The following C1orf159 variants were observed in gnomAD, a reference collection of about 807,000 sequenced individuals.
C1orf159 encodes the protein chromosome 1 open reading frame 159.
C1orf159 carries 19 observed loss-of-function variants against 25.6 expected under a neutral mutation model. The observed-to-expected ratio is 0.74, with a 90% CI of 0.52 to 1.09. The LOEUF is 1.09. C1orf159 is among the 50% of genes least tolerant of loss of function. C1orf159 has a pLI of 0.00. For missense variants in C1orf159, 274 were observed against 290.6 expected (o/e 0.94, Z 0.42); for synonymous variants, 139 against 124.7 (o/e 1.12, Z -0.77).
intron 1 of C1orf159, 174 bp from the exon 2 acceptor site, chr1:1,092,277 G>GCTGGCCCC (rs1645951949): frequency 4.2e-6 from 1 of 235,850 alleles, no homozygotes; most frequent in Non-Finnish European, 8.7e-6. Flanking sequence ...TTTCCCCCGA[G>GCTGGCCCC]CTGGCCTCCT....
intron 1 of C1orf159, among the ~76,000 whole-genome samples, chr1:1,106,407 G>A (rs544391927): frequency 6.6e-6 from 1 of 152,296 alleles, no homozygotes; most frequent in Non-Finnish European, 1.5e-5. Flanking sequence ...CCTTGTGCAT[G>A]CTGCTGAGAA....
intron 2 of C1orf159, 180 bp downstream of exon 2, chr1:1,091,811 A>G (rs1266460066): frequency 4.8e-6 from 1 of 208,916 alleles, no homozygotes; most frequent in Non-Finnish European, 9.3e-6. Context: ...GTGGGGCCAA[A>G]TGGAGATGGG....
At chr1:1,098,760 C>T (rs927853401) in intron 1 of C1orf159, among the ~76,000 whole-genome samples, 3 of 152,072 alleles carry the variant, frequency 2.0e-5, no homozygotes, top group African/African-American at 2.4e-5. Context: ...TACAGCTGCC[C>T]GCCACCACGT....
chr1:1,083,708 C>T lies in C1orf159; in HGVS notation c.502+645G>A. On this transcript the variant is annotated intron_variant, in intron 9 of 9. Transcript: ENST00000421241. ...CACCGTGGGGTCTGCTGGGCACTTG[C>T]AGACAGGGCTGCTTTAGGGACGGGG... 5.0e-6 allele frequency: 3 copies of T among 594,612 alleles called. No homozygotes were observed. In the South Asian group the frequency reaches 6.1e-5, roughly 12 times the overall value. The allele number at this position is 594,612 out of a possible 1,614,324, so 36.8% of individuals were successfully genotyped here. A position where few individuals can be genotyped will look rare whatever the true frequency, so the allele number is the denominator to read the frequency against.
intron 3 of C1orf159, 67 bp from the exon 4 acceptor site, chr1:1,090,495 G>A (rs1645911374): frequency 6.7e-7 from 1 of 1,482,830 alleles, no homozygotes; most frequent in Non-Finnish European, 9.2e-7. Flanking sequence ...CAGAGCAGCA[G>A]CGGCTGAGGG....
Position 1,087,420 on chromosome 1 carries a change from G to T in C1orf159, c.244+82C>A. 1 of 1,353,922 alleles carries T rather than the reference G, an allele frequency of 7.4e-7. No homozygotes were observed. The highest frequency in any genetic ancestry group is 1.0e-6 in the Non-Finnish European group (1 of 988,016). The allele number at this position is 1,353,922 out of a possible 1,614,324, so 83.9% of individuals were successfully genotyped here. A position where few individuals can be genotyped will look rare whatever the true frequency, so the allele number is the denominator to read the frequency against. ...GTGGACAGTGGCTCTGGGGCAAGGT[G>T]GGGACACAGACAGCAACTCCCACAG... On this transcript the variant is annotated intron_variant, in intron 5 of 9. Coordinates refer to ENST00000421241, the MANE Select transcript of C1orf159 (RefSeq NM_017891.5). This position sits in a 1 kb window ranked among gnomAD's most constrained non-coding sequence, Gnocchi z 8.3.
At chr1:1,095,870 T>TA (rs1160351027) in intron 1 of C1orf159, among the ~76,000 whole-genome samples, 3 of 152,300 alleles carry the variant, frequency 2.0e-5, no homozygotes, top group Admixed American at 6.5e-5. Context: ...GAGGTTTTTT[T>TA]AAAAAAATCA....
chr1:1,085,994 G>A lies in C1orf159; in HGVS notation c.329C>T (p.Ala110Val), dbSNP rs1448274541. ...GAAGAACGTGCCCAGGAAGAGGGAG[G>A]CGGCCACGCGCGGAGCCCCTGCAAA... ...RPHPGAPRVA[A>V]SLFLGTFFIS... Residue 110 changes from alanine (A) to valine (V), a missense_variant, in exon 7 of 10, where the codon GCC becomes GTC. Transcript: ENST00000421241. 26 of 1,612,970 alleles carry A rather than the reference G, an allele frequency of 1.6e-5. No homozygotes were observed. The highest frequency in any genetic ancestry group is 2.2e-5 in the Non-Finnish European group (26 of 1,179,806).
chr1:1,104,091 G>A (rs1032601480), intron 1 of C1orf159, among the ~76,000 whole-genome samples: 9 of 152,080 alleles, frequency 5.9e-5, no homozygotes, highest in South Asian at 2.1e-4. Flanking sequence ...AGGCTCACGC[G>A]ATTCTCCTGC....
At chr1:1,085,131 C>T (rs1389343126) in intron 7 of C1orf159, 1 of 278,602 alleles carries the variant, frequency 3.6e-6, no homozygotes, top group East Asian at 1.2e-4. Flanking sequence ...GAGGCTGGGC[C>T]CTGAGACCCC....
At position 1,082,951 on chromosome 1, in the gene C1orf159, AG is replaced by A. The variant is rs1429292682; in HGVS notation, c.538del (p.Leu180TrpfsTer79). 8 of 1,603,576 alleles carry A rather than the reference AG, an allele frequency of 5.0e-6. No homozygotes were observed. The highest frequency in any genetic ancestry group is 6.8e-6 in the Non-Finnish European group (8 of 1,175,982). On this transcript the variant is annotated frameshift_variant, in exon 10 of 10. Transcript: ENST00000421241. LOFTEE classifies it high-confidence loss of function. Reference sequence around the variant, plus strand: ...GGCAGCGGGATCCGTGGCCCTGTCCAGGGGCCGCTCCCGCCTGACGTAGCGC... The same window carrying A: ...GGCAGCGGGATCCGTGGCCCTGTCCAGGGCCGCTCCCGCCTGACGTAGCGC... ...KPRYVRRERP[L>X]DRATDPAAFP...
chr1:1,088,697 G>A (rs1174521583), intron 4 of C1orf159, among the ~76,000 whole-genome samples: 5 of 152,072 alleles, frequency 3.3e-5, no homozygotes, highest in Admixed American at 1.3e-4. Context: ...TCTTGATGCC[G>A]ACTGCGGTGC....
rs540902541 is a variant in C1orf159, at chr1:1,091,587, G to A, written c.-22-22C>T. ...GAGCCTGCCACAGGGAGGAGCATGCGGAGCCAAAGAGATGGAGTGGGGCTG... is the reference window on the plus strand; with the variant it reads ...GAGCCTGCCACAGGGAGGAGCATGCAGAGCCAAAGAGATGGAGTGGGGCTG... On this transcript the variant is annotated intron_variant, in intron 2 of 9. Coordinates refer to ENST00000421241, the MANE Select transcript of C1orf159 (RefSeq NM_017891.5). 6,227 of 1,524,996 alleles carry A rather than the reference G, an allele frequency of 4.1e-3. 18 individuals carry two copies. The highest frequency in any genetic ancestry group is 4.4e-3 in the Non-Finnish European group (4,982 of 1,126,986). The allele number at this position is 1,524,996 out of a possible 1,614,324, so 94.5% of individuals were successfully genotyped here.
chr1:1,098,058 T>A (rs1392403095), intron 1 of C1orf159, among the ~76,000 whole-genome samples: 1 of 152,004 alleles, frequency 6.6e-6, no homozygotes. Context: ...TGTTATTTTT[T>A]CCCCACCTGA....
rs1570341868 is a variant in C1orf159, at chr1:1,111,202, C to T, written c.-136+4858G>A. The stretch of plus-strand genomic sequence containing the variant: ...TAGTGAGAATTTAAATTGTGCTATA[C>T]ACTCTTTGACCACTCTTATTTTCCC... On this transcript the variant is annotated intron_variant, in intron 1 of 9. Coordinates refer to ENST00000421241, the MANE Select transcript of C1orf159 (RefSeq NM_017891.5). 2.0e-5 allele frequency among the ~76,000 whole-genome samples: 3 copies of T among 152,236 alleles called. No individual in the cohort carries two copies. In the East Asian group the frequency reaches 5.8e-4, roughly 29 times the overall value.
chr1:1,087,784 G>A lies in C1orf159; in HGVS notation c.149-187C>T, dbSNP rs184944110. ...CATGGCGGGGCCGTGAGCACCCCAC[G>A]CTGAGTACTCCACACTGCGCACCCT... On this transcript the variant is annotated intron_variant, in intron 4 of 9. Transcript: ENST00000421241. This position sits in a 1 kb window ranked among gnomAD's most constrained non-coding sequence, Gnocchi z 8.3. 239 of 602,132 alleles carry A rather than the reference G, an allele frequency of 4.0e-4. 2 individuals carry two copies. In the East Asian group the frequency reaches 6.6e-3, roughly 17 times the overall value. 37.3% of individuals were successfully genotyped at this position (602,132 alleles called of 1,614,324 possible).
intron 1 of C1orf159, among the ~76,000 whole-genome samples, chr1:1,109,799 A>T (rs1033651061): frequency 6.6e-6 from 1 of 152,226 alleles, no homozygotes; most frequent in East Asian, 1.9e-4. Flanking sequence ...TCACATTTAC[A>T]TGTAAGACAA....
chr1:1,115,006 T>C (rs971255078), intron 1 of C1orf159: 9 of 152,168 alleles, frequency 5.9e-5, no homozygotes, highest in African/African-American at 2.2e-4. Flanking sequence ...ACACCACCTG[T>C]ACCCCAGTAA....
intron 1 of C1orf159, among the ~76,000 whole-genome samples, chr1:1,097,548 G>A (rs545432503): frequency 6.6e-6 from 1 of 151,698 alleles, no homozygotes. Context: ...GACTAGCCAG[G>A]ACTACAGGCT....
Sources: allele counts gnomAD v4.1 joint callset (sites outside exome capture counted in the v4.1 genomes callset), GRCh38; gene constraint gnomAD v4.1.1; non-coding constraint Gnocchi (gnomAD v3.1); transcripts MANE v1.5; gene names NCBI Gene and HGNC (gene_info 2026-07-23, HGNC 2026-07-21).